USP15: variants seen among roughly 807,000 people sequenced by gnomAD.
USP15 encodes the protein ubiquitin specific peptidase 15, also known as ubiquitin carboxyl-terminal hydrolase 15.
USP15 carries 18 observed loss-of-function variants against 127.1 expected under a neutral mutation model. The ratio of observed to expected loss-of-function variants is 0.14; its 90% CI spans 0.10 to 0.21. The LOEUF (loss-of-function observed/expected upper bound fraction) is 0.21, where lower values mean the gene tolerates loss of function less well. Among genes scored for constraint, USP15 ranks in the 10% least tolerant of loss-of-function variants. The pLI, the probability that USP15 is intolerant of heterozygous loss-of-function variation, is 1.00. For synonymous variants in USP15, 364 were observed against 393.7 expected, an observed-to-expected ratio of 0.92 and a Z score of 0.89; for missense variants, 805 against 1,159.9, an observed-to-expected ratio of 0.69 and a Z score of 4.44.
At chr12:62,329,739 T>TA (rs1261722706) in intron 6 of USP15, among the ~76,000 whole-genome samples, 6 of 152,116 alleles carry the variant, frequency 3.9e-5, no homozygotes, top group Non-Finnish European at 8.8e-5. Context: ...GTAAATGAGA[T>TA]ACAATTTTTC....
chr12:62,363,505 C>A (rs1043066431), intron 8 of USP15, among the ~76,000 whole-genome samples: 1 of 152,134 alleles, frequency 6.6e-6, no homozygotes, highest in Non-Finnish European at 1.5e-5. Flanking sequence ...TGCACTCTCA[C>A]TTCCATTAGG....
intron 19 of USP15, among the ~76,000 whole-genome samples, chr12:62,394,308 C>T (rs2067414697): frequency 6.6e-6 from 1 of 152,016 alleles, no homozygotes; most frequent in South Asian, 2.1e-4. Flanking sequence ...TATTTGTACA[C>T]CAAAATGTAC....
intron 1 of USP15, among the ~76,000 whole-genome samples, chr12:62,284,048 C>A (rs182985866): frequency 2.6e-4 from 40 of 152,246 alleles, no homozygotes; most frequent in African/African-American, 9.4e-4. Context: ...ACTGAGGTTT[C>A]TAGGAACGAA....
intron 17 of USP15, 71 bp downstream of exon 17, chr12:62,391,957 C>A: frequency 1.5e-6 from 2 of 1,369,862 alleles, no homozygotes; most frequent in Non-Finnish European, 1.0e-6. Context: ...GATAATCATA[C>A]TGTTGTGTTA....
At chr12:62,391,083 C>T in intron 15 of USP15, 74 bp from the exon 16 acceptor site, 1 of 1,501,884 alleles carries the variant, frequency 6.7e-7, no homozygotes, top group Non-Finnish European at 8.9e-7. Flanking sequence ...ACCTGGAAAC[C>T]TAGGATTAAT....
At chr12:62,337,702 A>G (rs888374014) in intron 6 of USP15, among the ~76,000 whole-genome samples, 3 of 149,334 alleles carry the variant, frequency 2.0e-5, no homozygotes, top group Non-Finnish European at 3.0e-5. Flanking sequence ...TCATTGTTCA[A>G]CTCCCACTTA....
intron 19 of USP15, 118 bp from the exon 20 acceptor site, chr12:62,396,173 GATAT>G: frequency 6.4e-6 from 3 of 471,498 alleles, no homozygotes; most frequent in Admixed American, 7.8e-5. Flanking sequence ...TATATAGATA[GATAT>G]ATATAGATGG....
chr12:62,285,755 A>G (rs2137113868), intron 1 of USP15, among the ~76,000 whole-genome samples: 1 of 152,284 alleles, frequency 6.6e-6, no homozygotes, highest in South Asian at 2.1e-4. Context: ...ATACAAGTGC[A>G]GGTGTCTTTT....
chr12:62,317,146 G>A (rs958632135), intron 4 of USP15, among the ~76,000 whole-genome samples: 4 of 152,046 alleles, frequency 2.6e-5, no homozygotes, highest in Non-Finnish European at 4.4e-5. Flanking sequence ...ATAGCTCTTA[G>A]TTTAAAAAAT....
At chr12:62,346,116 A>C (rs559602205) in intron 6 of USP15, among the ~76,000 whole-genome samples, 65 of 152,354 alleles carry the variant, frequency 4.3e-4, no homozygotes, top group African/African-American at 1.6e-3. Context: ...CTTGTAGTTC[A>C]TGCAGTTCAA....
At chr12:62,328,490 A>G in intron 6 of USP15, 1 of 216,674 alleles carries the variant, frequency 4.6e-6, no homozygotes. Context: ...CACTTAGAAA[A>G]TAGTCTAACA....
At chr12:62,321,987 G>A (rs939777262) in intron 5 of USP15, among the ~76,000 whole-genome samples, 3 of 152,122 alleles carry the variant, frequency 2.0e-5, no homozygotes, top group African/African-American at 4.8e-5. Context: ...TGCCATTGTA[G>A]TACACAAAAA....
intron 6 of USP15, among the ~76,000 whole-genome samples, chr12:62,337,151 C>T (rs2065492381): frequency 6.6e-6 from 1 of 152,134 alleles, no homozygotes; most frequent in Non-Finnish European, 1.5e-5. Flanking sequence ...GTCAAGTTTT[C>T]CAAGATTCTA....
intron 8 of USP15, among the ~76,000 whole-genome samples, chr12:62,370,707 A>G (rs147715867): frequency 6.6e-6 from 1 of 152,234 alleles, no homozygotes; most frequent in Non-Finnish European, 1.5e-5. Context: ...TTTACCTTTG[A>G]GAATTTGACA....
chr12:62,328,402 C>A (rs1361957788), intron 6 of USP15: 2 of 357,364 alleles, frequency 5.6e-6, no homozygotes, highest in Admixed American at 5.8e-5. Context: ...ATAAAGCTTT[C>A]TTTGTAAGTA....
At chr12:62,312,894 A>G (rs1592563149) in intron 3 of USP15, among the ~76,000 whole-genome samples, 1 of 151,730 alleles carries the variant, frequency 6.6e-6, no homozygotes. Context: ...ACATGTGACC[A>G]TTACACATTG....
chr12:62,281,297 A>C (rs746545030), intron 1 of USP15, among the ~76,000 whole-genome samples: 6 of 151,974 alleles, frequency 3.9e-5, no homozygotes, highest in Non-Finnish European at 7.4e-5. Flanking sequence ...ATACCTAACA[A>C]CACTATACAT....
chr12:62,391,305 A>C lies in USP15; in HGVS notation c.2109A>C (p.Gln703His). Residue 703 changes from glutamine (Q) to histidine (H), a missense_variant, in exon 16 of 22, where the codon CAA (glutamine) becomes CAC (histidine). This residue lies in a region of USP15 where 225 missense variants were observed against 239.5 expected (regional missense o/e 0.94). Transcript: ENST00000280377. ...GTACTGAGGATACTTGCAAAGGTCA[A>C]CTCACGGGACACAAAAAACGATTGT... ...GLCTEDTCKG[Q>H]LTGHKKRLFT... The C allele has an allele frequency of 6.2e-7, 1 of 1,613,642 alleles. No homozygotes were observed. The highest frequency in any genetic ancestry group is 1.1e-5 in the South Asian group (1 of 91,064).
At chr12:62,381,400 A>C (rs2066986429) in intron 8 of USP15, 90 bp from the exon 9 acceptor site, 1 of 1,158,598 alleles carries the variant, frequency 8.6e-7, no homozygotes, top group Non-Finnish European at 1.2e-6. Context: ...TGTTATAGCA[A>C]ATCAATTTGT....
Sources: allele counts gnomAD v4.1 joint callset (sites outside exome capture counted in the v4.1 genomes callset), GRCh38; gene constraint gnomAD v4.1.1; regional missense constraint gnomAD v4.1.1; transcripts MANE v1.5; gene names NCBI Gene and HGNC (gene_info 2026-07-23, HGNC 2026-07-21).